Variants in POU6F2 observed in about 807,000 individuals in gnomAD.
The protein encoded by POU6F2 is POU class 6 homeobox 2.
POU6F2 carries 31 observed loss-of-function variants against 71.3 expected under a neutral mutation model. That is an observed-to-expected ratio of 0.43 (90% confidence interval 0.33 to 0.59). The LOEUF is 0.59. POU6F2 is among the 20% of genes least tolerant of loss of function. The pLI is 0.04. For missense variants in POU6F2, 783 were observed against 856.8 expected (o/e 0.91, Z 1.07); for synonymous variants, 347 against 355.7 (o/e 0.98, Z 0.27).
chr7:39,421,966 G>T (rs1787859899), intron 6 of POU6F2, among the ~76,000 whole-genome samples: 1 of 152,158 alleles, frequency 6.6e-6, no homozygotes, highest in Admixed American at 6.5e-5. Flanking sequence ...TTAAAGTTCA[G>T]GCAAAGCCAT....
chr7:39,287,291 C>A (rs534648120), intron 4 of POU6F2, among the ~76,000 whole-genome samples: 1 of 152,268 alleles, frequency 6.6e-6, no homozygotes, highest in South Asian at 2.1e-4. Context: ...GGCTAAATAT[C>A]GTAGTTCCCT....
At chr7:39,111,458 A>G (rs141651927) in intron 2 of POU6F2, among the ~76,000 whole-genome samples, 12 of 152,276 alleles carry the variant, frequency 7.9e-5, no homozygotes, top group African/African-American at 2.4e-4. Flanking sequence ...TAGTTATATG[A>G]CCAAAATATG....
rs942912429 is a variant in POU6F2, at chr7:39,066,177, A to T, written c.106-19683A>T. Among the ~76,000 whole-genome samples, 41 of 151,740 alleles carry T rather than the reference A, an allele frequency of 2.7e-4. 1 individual carries two copies. Among genetic ancestry groups the T allele is most frequent in the African/African-American group, 9.2e-4 (38 of 41,430 alleles). On this transcript the variant is annotated intron_variant, in intron 1 of 9. Coordinates refer to ENST00000518318, the MANE Select transcript of POU6F2 (RefSeq NM_001370959.1). ...AGAAAAAAAGAAAACAACTGATAAA[A>T]TACAACAGCCATTTCTGGTTTAATT...
At chr7:39,362,729 GA>G (rs1786415874) in intron 5 of POU6F2, among the ~76,000 whole-genome samples, 1 of 152,108 alleles carries the variant, frequency 6.6e-6, no homozygotes, top group Non-Finnish European at 1.5e-5. Context: ...TACATGGGGG[GA>G]ATAATAAATG....
In POU6F2 at chr7:39,069,937, G is replaced by A. The variant is rs759196368; in HGVS notation, c.106-15923G>A. ...TGGTGCAGACCTGTGTAATTCAAGG[G>A]TCAGCTGTATTCAGATAAGTTAAAG... On this transcript the variant is annotated intron_variant, in intron 1 of 9. Transcript: ENST00000518318. Among the ~76,000 whole-genome samples, 3 of 152,118 alleles carry A rather than the reference G, an allele frequency of 2.0e-5. No individual in the cohort carries two copies. The East Asian group carries it at 5.8e-4, about 29-fold the overall frequency.
chr7:39,085,343 C>T lies in POU6F2; in HGVS notation c.106-517C>T, dbSNP rs183486936. Among the ~76,000 whole-genome samples the T allele has an allele frequency of 6.0e-4, 91 of 152,100 alleles. 1 individual carries two copies. In the East Asian group the frequency reaches 0.014, roughly 24 times the overall value. ...CTTTCGAGGTCTCTTTTCTCCCTAT[C>T]TTTTTTCTCTGCTCTTGGGATAGGG... is the stretch of plus-strand genomic sequence containing the variant. On this transcript the variant is annotated intron_variant, in intron 1 of 9. Transcript: ENST00000518318.
At chr7:38,986,591 G>A (rs1032954096) in intron 1 of POU6F2, among the ~76,000 whole-genome samples, 4 of 152,048 alleles carry the variant, frequency 2.6e-5, no homozygotes, top group Admixed American at 6.6e-5. Context: ...GTACATGAAC[G>A]CAATTCTTAT....
At chr7:39,296,250 T>G (rs1345845620) in intron 4 of POU6F2, among the ~76,000 whole-genome samples, 2 of 152,194 alleles carry the variant, frequency 1.3e-5, no homozygotes, top group African/African-American at 4.8e-5. Flanking sequence ...AACTCTAAAA[T>G]TAATTATTTA....
At position 39,204,243 on chromosome 7, in the gene POU6F2, G is replaced by A; in HGVS notation, c.286G>A (p.Gly96Arg). 2.5e-6 allele frequency: 4 copies of A among 1,613,624 alleles called. No homozygotes were observed. The highest frequency in any genetic ancestry group is 1.6e-4 in the Middle Eastern group (1 of 6,062). Residue 96 changes from glycine (G) to arginine (R), a missense_variant, in exon 3 of 10, where the codon GGA becomes AGA. Around this residue, in one of 2 missense-constraint regions of POU6F2, gnomAD observed 572 missense variants for 572.9 expected, o/e 1.00. Coordinates refer to ENST00000518318, the MANE Select transcript of POU6F2 (RefSeq NM_001370959.1). ...DTPSKLFGAR[G>R]NPALSDPGTP... ...TCTCTTTTGAATTCCAGGGGCTAGA[G>A]GAAACCCAGCATTATCAGACCCAGG...
chr7:39,223,436 T>C (rs1002025550), intron 4 of POU6F2, among the ~76,000 whole-genome samples: 2 of 152,200 alleles, frequency 1.3e-5, no homozygotes, highest in African/African-American at 4.8e-5. Flanking sequence ...ATTCTTGCAA[T>C]GCAAATCCTC....
chr7:39,071,549 G>A (rs1006850358), intron 1 of POU6F2, among the ~76,000 whole-genome samples: 3 of 151,716 alleles, frequency 2.0e-5, no homozygotes, highest in African/African-American at 7.3e-5. Context: ...TATGGTGACT[G>A]ACACCTGTAA....
rs868476311 is a variant in POU6F2 at position 39,274,374 on chromosome 7, C to T, written c.599-65268C>T. Among the ~76,000 whole-genome samples the T allele has an allele frequency of 4.1e-4, 62 of 150,946 alleles. No homozygotes were observed. The Middle Eastern group carries it at 0.01, about 25-fold the overall frequency. On this transcript the variant is annotated intron_variant, in intron 4 of 9. Coordinates refer to ENST00000518318, the MANE Select transcript of POU6F2 (RefSeq NM_001370959.1). The stretch of plus-strand genomic sequence containing the variant: ...GGAAGAAGTTGAATCTCTGAATAGA[C>T]CAATAACAGGATCTGAAATTGTGGC...
chr7:38,978,115 A>G (rs1788226925), intron 1 of POU6F2, 57 bp downstream of exon 1: 2 of 152,178 alleles, frequency 1.3e-5, no homozygotes, highest in Non-Finnish European at 2.9e-5. Flanking sequence ...TCACCATATG[A>G]TTCACATAAT....
chr7:39,088,646 G>A (rs1383850414), intron 2 of POU6F2, among the ~76,000 whole-genome samples: 1 of 151,762 alleles, frequency 6.6e-6, no homozygotes, highest in African/African-American at 2.4e-5. Context: ...TTGAAAATTG[G>A]GCTTCTCTAA....
chr7:39,369,086 C>G (rs765887412), intron 5 of POU6F2, among the ~76,000 whole-genome samples: 6 of 152,130 alleles, frequency 3.9e-5, no homozygotes, highest in Non-Finnish European at 7.4e-5. Flanking sequence ...GAAAGTGGTT[C>G]CTTGAGATGG....
intron 2 of POU6F2, among the ~76,000 whole-genome samples, chr7:39,096,469 A>G (rs1791456273): frequency 6.6e-6 from 1 of 152,192 alleles, no homozygotes; most frequent in Admixed American, 6.6e-5. Context: ...GTCAGTTTGC[A>G]TTTACTCTCC....
At chr7:39,076,959 G>A (rs533245838) in intron 1 of POU6F2, among the ~76,000 whole-genome samples, 1 of 152,302 alleles carries the variant, frequency 6.6e-6, no homozygotes, top group East Asian at 1.9e-4. Context: ...TTAGGACAGA[G>A]ATCAGATGTT....
intron 1 of POU6F2, among the ~76,000 whole-genome samples, chr7:38,997,579 G>A (rs1325917982): frequency 6.6e-6 from 1 of 152,114 alleles, no homozygotes; most frequent in African/African-American, 2.4e-5. Context: ...ATTTCCCCTT[G>A]ATGATGACCT....
intron 1 of POU6F2, among the ~76,000 whole-genome samples, chr7:39,050,560 A>G (rs1790383280): frequency 1.3e-5 from 2 of 152,084 alleles, no homozygotes; most frequent in East Asian, 1.9e-4. Context: ...TTCCTGCTAA[A>G]CTTCTGGTTG....
Sources: gnomAD v4.1 joint callset for allele counts (sites outside exome capture counted in the v4.1 genomes callset) on GRCh38, gnomAD v4.1.1 for gene constraint, gnomAD v4.1.1 regional missense constraint, MANE v1.5 for transcripts, NCBI Gene and HGNC (gene_info 2026-07-23, HGNC 2026-07-21) for gene names.